The following RAB2A variants were observed in gnomAD, a reference collection of about 807,000 sequenced individuals.
RAB2A encodes the protein ras-related protein Rab-2A.
Under a neutral mutation model 32.5 loss-of-function variants are expected in RAB2A, and 7 were observed. The ratio of observed to expected loss-of-function variants is 0.22; its 90% CI spans 0.12 to 0.40. The LOEUF (loss-of-function observed/expected upper bound fraction) is 0.40. Ranked by LOEUF, RAB2A falls within the 10% of genes least tolerant of loss-of-function variation. The probability of loss-of-function intolerance (pLI) is 1.00; values close to 1 mark genes in which losing one functional copy is unlikely to be tolerated. For missense variants in RAB2A, 108 were observed against 260.7 expected, an observed-to-expected ratio of 0.41 and a Z score of 4.03; for synonymous variants, 79 against 85.2, an observed-to-expected ratio of 0.93 and a Z score of 0.40.
At chr8:60,531,072 C>G (rs904944275) in intron 1 of RAB2A, among the ~76,000 whole-genome samples, 1 of 152,084 alleles carries the variant, frequency 6.6e-6, no homozygotes, top group Admixed American at 6.5e-5. Flanking sequence ...GTTTTTTTCC[C>G]CTAGCTTTAC....
rs1427488432 is a variant in RAB2A at position 60,623,217 on chromosome 8, A to G, written c.*2448A>G. 1 of 152,246 alleles carries G rather than the reference A, an allele frequency of 6.6e-6. No homozygotes were observed. The highest frequency in any genetic ancestry group is 1.5e-5 in the Non-Finnish European group (1 of 68,046). The allele number at this position is 152,246 out of a possible 1,614,324, so 9.4% of individuals were successfully genotyped here. A position where few individuals can be genotyped will look rare whatever the true frequency, so the allele number is the denominator to read the frequency against. On this transcript the variant is annotated 3_prime_UTR_variant, in exon 8 of 8. Transcript: ENST00000262646. ...AATGTGGCATATAATTAGATATACA[A>G]CTGAAACAGGATATACAACTGCATA...
intron 1 of RAB2A, among the ~76,000 whole-genome samples, chr8:60,543,543 A>G (rs1488085587): frequency 6.6e-6 from 1 of 152,102 alleles, no homozygotes; most frequent in Non-Finnish European, 1.5e-5. Context: ...AGGATCCTTA[A>G]TTACATCTGC....
intron 6 of RAB2A, among the ~76,000 whole-genome samples, chr8:60,597,356 C>T (rs530724816): frequency 1.3e-5 from 2 of 152,226 alleles, no homozygotes. Flanking sequence ...GAAAACCAAA[C>T]ACCGCATGTT....
intron 1 of RAB2A, among the ~76,000 whole-genome samples, chr8:60,527,465 A>T (rs1180834482): frequency 6.6e-6 from 1 of 152,228 alleles, no homozygotes; most frequent in Non-Finnish European, 1.5e-5. Context: ...AAGGGGAAGC[A>T]GGCACCTTCT....
At chr8:60,529,186 AT>A (rs1402990130) in intron 1 of RAB2A, among the ~76,000 whole-genome samples, 3 of 151,520 alleles carry the variant, frequency 2.0e-5, no homozygotes, top group Admixed American at 6.6e-5. Context: ...ATATGTACTG[AT>A]TCTTCAGTGT....
chr8:60,602,714 C>A (rs1033046786), intron 6 of RAB2A, among the ~76,000 whole-genome samples: 1 of 152,182 alleles, frequency 6.6e-6, no homozygotes, highest in Admixed American at 6.5e-5. Flanking sequence ...AAATGTTAGG[C>A]ATGCATGGCC....
intron 1 of RAB2A, among the ~76,000 whole-genome samples, chr8:60,543,259 T>C (rs555503732): frequency 3.3e-5 from 5 of 152,314 alleles, no homozygotes; most frequent in East Asian, 1.9e-4. Flanking sequence ...AAGCCTGATA[T>C]TAGGTGTGTT....
intron 2 of RAB2A, among the ~76,000 whole-genome samples, chr8:60,561,038 T>C (rs1586083381): frequency 2.6e-5 from 4 of 152,308 alleles, no homozygotes; most frequent in African/African-American, 9.6e-5. Context: ...TGACTGTGTG[T>C]TCTCCATTCC....
At chr8:60,517,801 A>T (rs1048450964) in intron 1 of RAB2A, among the ~76,000 whole-genome samples, 1 of 152,014 alleles carries the variant, frequency 6.6e-6, no homozygotes, top group Non-Finnish European at 1.5e-5. Flanking sequence ...TATTTTATAT[A>T]TATACATATA....
At chr8:60,529,997 G>T (rs1160641114) in intron 1 of RAB2A, among the ~76,000 whole-genome samples, 2 of 152,034 alleles carry the variant, frequency 1.3e-5, no homozygotes, top group Non-Finnish European at 2.9e-5. Flanking sequence ...TTGAGACAGG[G>T]TCTTGCTCTG....
intron 1 of RAB2A, among the ~76,000 whole-genome samples, chr8:60,543,891 G>A (rs1261713807): frequency 1.3e-5 from 2 of 151,610 alleles, no homozygotes; most frequent in African/African-American, 2.4e-5. Flanking sequence ...GTGAAACCCC[G>A]TCTCTACTAA....
intron 1 of RAB2A, among the ~76,000 whole-genome samples, chr8:60,554,177 G>A (rs961841668): frequency 6.6e-5 from 10 of 152,198 alleles, no homozygotes; most frequent in African/African-American, 2.4e-4. Context: ...CATTTTCACA[G>A]TGGTTTACAA....
intron 3 of RAB2A, among the ~76,000 whole-genome samples, chr8:60,580,146 G>A (rs527783443): frequency 2.9e-4 from 44 of 151,708 alleles, no homozygotes; most frequent in East Asian, 7.8e-4. Flanking sequence ...ACAGGTGTGC[G>A]CCACCACACC....
At chr8:60,570,222 A>G (rs568392872) in intron 2 of RAB2A, among the ~76,000 whole-genome samples, 23 of 152,290 alleles carry the variant, frequency 1.5e-4, no homozygotes, top group Admixed American at 1.4e-3. Flanking sequence ...ATTTGACGTT[A>G]TGAGCAATAT....
At chr8:60,521,654 CTT>C (rs1350899384) in intron 1 of RAB2A, among the ~76,000 whole-genome samples, 2 of 151,992 alleles carry the variant, frequency 1.3e-5, no homozygotes, top group Non-Finnish European at 2.9e-5. Context: ...GAGTTTTGCT[CTT>C]GTCACCCAGG....
chr8:60,560,549 A>C (rs1808006340), intron 2 of RAB2A, among the ~76,000 whole-genome samples: 1 of 152,198 alleles, frequency 6.6e-6, no homozygotes, highest in Non-Finnish European at 1.5e-5. Context: ...TTTTCTTAGA[A>C]TCTTATGTAT....
At chr8:60,538,326 G>T (rs1038486454) in intron 1 of RAB2A, among the ~76,000 whole-genome samples, 4 of 152,178 alleles carry the variant, frequency 2.6e-5, no homozygotes, top group Admixed American at 6.5e-5. Flanking sequence ...CTTATCTAAT[G>T]AAGGATACGT....
chr8:60,597,084 C>T (rs1401075844), intron 6 of RAB2A, among the ~76,000 whole-genome samples: 2 of 152,178 alleles, frequency 1.3e-5, no homozygotes, highest in Admixed American at 6.5e-5. Flanking sequence ...ACCCTGCAAT[C>T]CCATTACTGA....
chr8:60,537,900 A>T (rs555772317), intron 1 of RAB2A, among the ~76,000 whole-genome samples: 21 of 152,174 alleles, frequency 1.4e-4, no homozygotes, highest in African/African-American at 5.1e-4. Flanking sequence ...AACTGGTGTC[A>T]AACTCCTGGC....
Sources: allele counts gnomAD v4.1 joint callset (sites outside exome capture counted in the v4.1 genomes callset), GRCh38; gene constraint gnomAD v4.1.1; transcripts MANE v1.5; gene names NCBI Gene and HGNC (gene_info 2026-07-23, HGNC 2026-07-21).